The following CLASP1 variants were observed in gnomAD, a reference collection of about 807,000 sequenced individuals.
CLASP1 encodes the protein CLIP-associating protein 1.
In CLASP1, 38 loss-of-function variants were observed where a neutral mutation model predicts 192.3. That is an observed-to-expected ratio of 0.20 (90% CI 0.15 to 0.26). The LOEUF is 0.26. Ranked by LOEUF, CLASP1 falls within the 10% of genes least tolerant of loss-of-function variation. CLASP1 has a pLI of 1.00. For synonymous variants in CLASP1, 691 were observed against 712.8 expected (o/e 0.97, Z 0.49); for missense variants, 1,433 against 1,932.5 (o/e 0.74, Z 4.85).
chr2:121,534,806 C>T (rs771856511), intron 2 of CLASP1, among the ~76,000 whole-genome samples: 34 of 152,148 alleles, frequency 2.2e-4, no homozygotes, highest in African/African-American at 8.0e-4. Context: ...GGATTACTGA[C>T]GTTGAGCCAT....
chr2:121,371,397 A>G (rs1284422487), intron 34 of CLASP1, among the ~76,000 whole-genome samples: 1 of 151,830 alleles, frequency 6.6e-6, no homozygotes, highest in African/African-American at 2.4e-5. Context: ...ACATCTAGAT[A>G]AATTAAATTT....
intron 3 of CLASP1, among the ~76,000 whole-genome samples, chr2:121,529,939 C>T (rs2094712693): frequency 1.3e-5 from 2 of 152,140 alleles, no homozygotes; most frequent in South Asian, 2.1e-4. Flanking sequence ...ACACGTATTA[C>T]TAAGTTCCGT....
intron 6 of CLASP1, 126 bp downstream of exon 6, chr2:121,525,719 T>C: frequency 3.0e-6 from 2 of 662,144 alleles, no homozygotes; most frequent in Non-Finnish European, 5.5e-6. Flanking sequence ...GGGTACTGGA[T>C]CTCTTAAATA....
intron 12 of CLASP1, 120 bp downstream of exon 12, chr2:121,459,860 T>A (rs1171948917): frequency 2.3e-6 from 2 of 858,354 alleles, no homozygotes; most frequent in East Asian, 5.5e-5. Flanking sequence ...CTGGAATGGG[T>A]CTTGGAGACT....
intron 2 of CLASP1, among the ~76,000 whole-genome samples, chr2:121,562,424 C>T (rs2059170277): frequency 6.6e-6 from 1 of 152,196 alleles, no homozygotes; most frequent in Non-Finnish European, 1.5e-5. Flanking sequence ...ATCTCTCATC[C>T]CTTTTCCTGA....
intron 2 of CLASP1, among the ~76,000 whole-genome samples, chr2:121,533,407 C>A (rs2094949616): frequency 6.6e-6 from 1 of 151,496 alleles, no homozygotes; most frequent in Non-Finnish European, 1.5e-5. Context: ...TTGTGCCTAA[C>A]CTCCTCATCT....
intron 2 of CLASP1, among the ~76,000 whole-genome samples, chr2:121,563,733 C>G (rs1371707032): frequency 3.3e-5 from 5 of 152,030 alleles, no homozygotes; most frequent in Non-Finnish European, 7.4e-5. Flanking sequence ...TTTCAAATTT[C>G]AAAAGTAAGC....
Position 121,366,488 on chromosome 2 carries a change from C to A in CLASP1, c.3886+1100G>T, listed in dbSNP as rs549936894. Among the ~76,000 whole-genome samples the A allele has an allele frequency of 3.7e-4, 56 of 152,352 alleles. 1 individual carries two copies. Among genetic ancestry groups the A allele is most frequent in the African/African-American group, 1.2e-3 (51 of 41,578 alleles). On this transcript the variant is annotated intron_variant, in intron 35 of 39. Coordinates refer to ENST00000263710, the Ensembl canonical transcript of CLASP1. ...TACTGTCTGATCCCTGCAAGAGGAT[C>A]AGCTTTCTTTTCTTTGTGCCCCGAC...
intron 2 of CLASP1, among the ~76,000 whole-genome samples, chr2:121,582,880 G>A (rs2061358696): frequency 6.6e-6 from 1 of 151,412 alleles, no homozygotes; most frequent in South Asian, 2.1e-4. Context: ...TGCCTCCCAG[G>A]TTCAAAGCAA....
Position 121,509,607 on chromosome 2 carries a change from G to A in CLASP1, c.644+6058C>T, listed in dbSNP as rs529334274. ...AATCTCAGCACTTGGGGACGCTGAG[G>A]CAGGTGGAACACACGAGGGCAGAAG... On this transcript the variant is annotated intron_variant, in intron 7 of 39. Transcript: ENST00000263710. Among the ~76,000 whole-genome samples, 104 of 152,296 alleles carry A rather than the reference G, an allele frequency of 6.8e-4. 1 individual carries two copies. Among genetic ancestry groups the A allele is most frequent in the Middle Eastern group, 3.4e-3 (1 of 294 alleles).
chr2:121,577,011 T>C (rs1205841908), intron 2 of CLASP1, among the ~76,000 whole-genome samples: 1 of 152,184 alleles, frequency 6.6e-6, no homozygotes, highest in African/African-American at 2.4e-5. Context: ...GGTACCATGG[T>C]TATTTTTTAA....
chr2:121,347,980 T>TA (rs1449550924), intron 38 of CLASP1, among the ~76,000 whole-genome samples: 2 of 120,862 alleles, frequency 1.7e-5, no homozygotes, highest in East Asian at 5.7e-4. Flanking sequence ...CCTTCTCTAC[T>TA]GTCATGTAGC....
In CLASP1 at chr2:121,357,441, T is replaced by C. The variant is rs543056625; in HGVS notation, c.4206+5731A>G. ...CCCCACCTCCCACCCAGCATACAAGTGCTTTAGATATCCAGAGTGTCTATG... is the reference window on the plus strand; with the variant it reads ...CCCCACCTCCCACCCAGCATACAAGCGCTTTAGATATCCAGAGTGTCTATG... On this transcript the variant is annotated intron_variant, in intron 37 of 39. Transcript: ENST00000263710. Among the ~76,000 whole-genome samples, 48 of 152,278 alleles carry C rather than the reference T, an allele frequency of 3.2e-4. No individual in the cohort carries two copies. In the South Asian group the frequency reaches 9.8e-3, roughly 31 times the overall value.
At chr2:121,592,532 A>G (rs545051483) in intron 2 of CLASP1, among the ~76,000 whole-genome samples, 3 of 152,370 alleles carry the variant, frequency 2.0e-5, no homozygotes, top group East Asian at 1.9e-4. Context: ...TCAAAAATAT[A>G]TGAAGCCAAC....
chr2:121,418,776 G>T, intron 22 of CLASP1, 47 bp from the exon 23 acceptor site: 1 of 1,289,308 alleles, frequency 7.8e-7, no homozygotes, highest in Non-Finnish European at 1.1e-6. Flanking sequence ...CAAGTTTAAT[G>T]AAGACAGATA....
At chr2:121,436,681 G>A (rs2082365854) in intron 19 of CLASP1, among the ~76,000 whole-genome samples, 1 of 152,100 alleles carries the variant, frequency 6.6e-6, no homozygotes, top group Non-Finnish European at 1.5e-5. Flanking sequence ...AAAGTGCTGG[G>A]ATTATAGGCA....
intron 8 of CLASP1, among the ~76,000 whole-genome samples, chr2:121,484,067 G>C (rs1389443567): frequency 2.0e-5 from 3 of 152,212 alleles, no homozygotes; most frequent in Non-Finnish European, 4.4e-5. Context: ...TCAACATCAT[G>C]AGAGGTTTCA....
chr2:121,499,512 C>CAA (rs58681666), intron 8 of CLASP1, among the ~76,000 whole-genome samples: 2,280 of 132,152 alleles, frequency 0.017, 39 homozygotes, highest in Non-Finnish European at 0.025. Flanking sequence ...TGTGAATATT[C>CAA]AAAAAAAAAA....
intron 2 of CLASP1, among the ~76,000 whole-genome samples, chr2:121,586,135 T>C (rs995118309): frequency 1.3e-5 from 2 of 152,142 alleles, no homozygotes; most frequent in African/African-American, 4.8e-5. Flanking sequence ...CTATTCTTTT[T>C]TTCTTTTTTT....
Sources: gnomAD v4.1 joint callset for allele counts (sites outside exome capture counted in the v4.1 genomes callset) on GRCh38, gnomAD v4.1.1 for gene constraint, MANE v1.5 for transcripts, NCBI Gene and HGNC (gene_info 2026-07-23, HGNC 2026-07-21) for gene names.